Variants in CPEB3 observed in about 807,000 individuals in gnomAD.
CPEB3 encodes the protein cytoplasmic polyadenylation element-binding protein 3.
Under a neutral mutation model 67.2 loss-of-function variants are expected in CPEB3, and 20 were observed. That is an observed-to-expected ratio of 0.30 (90% CI 0.21 to 0.43). CPEB3 has a LOEUF of 0.43. Ranked by LOEUF, CPEB3 falls within the 20% of genes least tolerant of loss-of-function variation. The probability of loss-of-function intolerance (pLI) is 1.00; values close to 1 mark genes in which losing one functional copy is unlikely to be tolerated. For synonymous variants in CPEB3, 376 were observed against 393.1 expected, an observed-to-expected ratio of 0.96 and a Z score of 0.51; for missense variants, 746 against 968.6, an observed-to-expected ratio of 0.77 and a Z score of 3.05.
chr10:92,248,357 G>T (rs1251522795), intron 1 of CPEB3, among the ~76,000 whole-genome samples: 3 of 152,092 alleles, frequency 2.0e-5, no homozygotes, highest in African/African-American at 7.2e-5. Context: ...TTTTTGATCT[G>T]TGGTTGGTTG....
chr10:92,186,085 C>T (rs989059485), intron 3 of CPEB3, among the ~76,000 whole-genome samples: 2 of 151,674 alleles, frequency 1.3e-5, no homozygotes, highest in African/African-American at 2.4e-5. Flanking sequence ...AATCACAATT[C>T]CCAGCCTGGT....
chr10:92,165,052 T>A (rs1847671653), intron 4 of CPEB3, among the ~76,000 whole-genome samples: 1 of 152,208 alleles, frequency 6.6e-6, no homozygotes, highest in South Asian at 2.1e-4. Flanking sequence ...AATTTTTTTA[T>A]TTCCTAGCGC....
chr10:92,118,773 G>A (rs61746316), intron 6 of CPEB3: 134 of 755,782 alleles, frequency 1.8e-4, no homozygotes, highest in African/African-American at 1.7e-3. Context: ...GAGATGGAGC[G>A]GTTCTGGAAT....
At position 92,240,295 on chromosome 10, in the gene CPEB3, T is replaced by G. The variant is rs1339541932; in HGVS notation, c.56A>C (p.Gln19Pro). 1 of 1,517,274 alleles carries G rather than the reference T, an allele frequency of 6.6e-7. No individual in the cohort carries two copies. The highest frequency in any genetic ancestry group is 1.7e-4 in the Middle Eastern group (1 of 5,790). The allele number at this position is 1,517,274 out of a possible 1,614,324, so 94.0% of individuals were successfully genotyped here. The change falls in exon 2 of 10, where the codon CAG becomes CCG. Residue 19 changes from glutamine to proline, a missense_variant. Physicochemically the swap from Gln to Pro is moderately conservative, Grantham distance 76. This residue lies in a region of CPEB3 where 643 missense variants were observed against 717.5 expected (regional missense o/e 0.90). Transcript: ENST00000265997. ...TTGGGGCTGCTGCTGCTGCCGCTGC[T>G]GCTGCTGGGGCTGGGGCTGGGTTTT... ...KSKTQPQPQQQQRQQQQPQPE... is the reference protein window; with the variant it reads ...KSKTQPQPQQPQRQQQQPQPE...
intron 1 of CPEB3, among the ~76,000 whole-genome samples, chr10:92,250,860 T>G (rs989012204): frequency 0.1 from 11,960 of 119,820 alleles, 427 homozygotes; most frequent in Middle Eastern, 0.16. Context: ...CACAGTTAAT[T>G]TTTTTTTTTT....
chr10:92,182,683 G>A (rs931382754), intron 3 of CPEB3, among the ~76,000 whole-genome samples: 2 of 152,012 alleles, frequency 1.3e-5, no homozygotes, highest in South Asian at 2.1e-4. Context: ...AAAATTAGCT[G>A]GGTGTGGTGG....
intron 2 of CPEB3, among the ~76,000 whole-genome samples, chr10:92,237,957 A>G (rs1320529070): frequency 6.6e-6 from 1 of 152,190 alleles, no homozygotes. Flanking sequence ...GTTAAAAATC[A>G]TTACTCTAGC....
At chr10:92,159,245 A>G (rs1847351259) in intron 4 of CPEB3, among the ~76,000 whole-genome samples, 1 of 152,158 alleles carries the variant, frequency 6.6e-6, no homozygotes, top group Non-Finnish European at 1.5e-5. Context: ...CCTGGGCGAC[A>G]GAGCAAGACT....
At chr10:92,234,452 T>C (rs967070375) in intron 2 of CPEB3, among the ~76,000 whole-genome samples, 1 of 152,180 alleles carries the variant, frequency 6.6e-6, no homozygotes, top group Admixed American at 6.5e-5. Flanking sequence ...GGGTATCTCA[T>C]AGGGTCAAGT....
At chr10:92,144,018 A>G (rs922800737) in intron 5 of CPEB3, among the ~76,000 whole-genome samples, 1 of 152,354 alleles carries the variant, frequency 6.6e-6, no homozygotes, top group Admixed American at 6.5e-5. Context: ...GTATTTTTAT[A>G]TCAGACCCAA....
intron 9 of CPEB3, among the ~76,000 whole-genome samples, chr10:92,067,572 A>G (rs540734422): frequency 3.2e-4 from 49 of 152,014 alleles, no homozygotes; most frequent in African/African-American, 1.2e-3. Context: ...TAATCCCTGC[A>G]CTTTGGGAGG....
At chr10:92,222,451 G>A (rs1850748135) in intron 2 of CPEB3, among the ~76,000 whole-genome samples, 1 of 152,106 alleles carries the variant, frequency 6.6e-6, no homozygotes, top group African/African-American at 2.4e-5. Context: ...TGCTAGATTT[G>A]AATTTAGAAA....
chr10:92,149,826 C>G (rs1450899073), intron 4 of CPEB3, among the ~76,000 whole-genome samples: 1 of 152,176 alleles, frequency 6.6e-6, no homozygotes, highest in East Asian at 1.9e-4. Flanking sequence ...GCTTGAAAAT[C>G]TGTATTTGCA....
intron 7 of CPEB3, among the ~76,000 whole-genome samples, chr10:92,094,008 C>T (rs559019861): frequency 2.6e-5 from 4 of 151,882 alleles, no homozygotes; most frequent in Non-Finnish European, 4.4e-5. Context: ...GCACCTGCCA[C>T]CACACCTGGG....
chr10:92,120,960 C>G (rs952453166), intron 6 of CPEB3, among the ~76,000 whole-genome samples: 1 of 152,048 alleles, frequency 6.6e-6, no homozygotes, highest in African/African-American at 2.4e-5. Flanking sequence ...CTCAGCCTCC[C>G]AAAGTGCTGG....
intron 4 of CPEB3, among the ~76,000 whole-genome samples, chr10:92,179,681 C>A (rs1233068855): frequency 1.3e-5 from 2 of 152,180 alleles, no homozygotes; most frequent in Admixed American, 6.5e-5. Context: ...AAGACCATCT[C>A]CCTAACCCTG....
chr10:92,142,977 G>A, intron 6 of CPEB3, 52 bp downstream of exon 6: 2 of 1,324,864 alleles, frequency 1.5e-6, no homozygotes, highest in Non-Finnish European at 2.2e-6. Context: ...TTATTGAACT[G>A]TCATGCTATC....
chr10:92,261,585 T>C (rs1852802570), intron 1 of CPEB3, among the ~76,000 whole-genome samples: 1 of 152,048 alleles, frequency 6.6e-6, no homozygotes. Context: ...GTAGCTGGGA[T>C]TACAGGCGCC....
At chr10:92,071,825 T>A (rs1842765771) in intron 9 of CPEB3, among the ~76,000 whole-genome samples, 1 of 152,144 alleles carries the variant, frequency 6.6e-6, no homozygotes, top group Non-Finnish European at 1.5e-5. Flanking sequence ...TTCAATGATC[T>A]CATTTTCATA....
Sources: allele counts gnomAD v4.1 joint callset (sites outside exome capture counted in the v4.1 genomes callset), GRCh38; gene constraint gnomAD v4.1.1; regional missense constraint gnomAD v4.1.1; transcripts MANE v1.5; gene names NCBI Gene and HGNC (gene_info 2026-07-23, HGNC 2026-07-21).